PIWIL3: variants seen among roughly 807,000 people sequenced by gnomAD.
PIWIL3 encodes piwi-like protein 3.
A neutral mutation model predicts 109.7 loss-of-function variants in PIWIL3; 101 were observed. The observed-to-expected ratio is 0.92, with a 90% CI of 0.78 to 1.09. The LOEUF is 1.09. Ranked by LOEUF, PIWIL3 falls within the 50% of genes least tolerant of loss-of-function variation. PIWIL3 has a pLI of 0.00. For synonymous variants in PIWIL3, 373 were observed against 376.4 expected (o/e 0.99, Z 0.10); for missense variants, 1,031 against 1,072.6 (o/e 0.96, Z 0.54).
intron 13 of PIWIL3, among the ~76,000 whole-genome samples, chr22:24,734,622 C>T (rs1163471867): frequency 6.6e-6 from 1 of 152,046 alleles, no homozygotes; most frequent in African/African-American, 2.4e-5. Flanking sequence ...TCCAGGTATA[C>T]CCAGTCACAG....
chr22:24,766,795 T>C (rs1344223372), intron 1 of PIWIL3, among the ~76,000 whole-genome samples: 5 of 152,048 alleles, frequency 3.3e-5, no homozygotes, highest in African/African-American at 4.8e-5. Context: ...CATTATCCTA[T>C]AGAAATCTGC....
Position 24,756,589 on chromosome 22 carries a change from G to T in PIWIL3, c.472C>A (p.Leu158Ile), listed in dbSNP as rs765125324. 1.9e-5 allele frequency: 30 copies of T among 1,613,884 alleles called. No individual in the cohort carries two copies. The highest frequency in any genetic ancestry group is 2.3e-5 in the Non-Finnish European group (27 of 1,179,924). Residue 158 changes from leucine (L) to isoleucine (I), a missense_variant, in exon 5 of 21, where the codon CTC (leucine) becomes ATC (isoleucine). Leu to Ile is a conservative substitution (Grantham distance 5). Coordinates refer to ENST00000616349, the MANE Select transcript of PIWIL3 (RefSeq NM_001255975.1). ...DYKPDIEDGNLRTILLDQHRR... is the reference protein window; with the variant it reads ...DYKPDIEDGNIRTILLDQHRR... ...TGTTGATCAAGTAAAATTGTACGGA[G>T]ATTTCCATCTTCTATGTCTGGTTTG... is the stretch of plus-strand genomic sequence containing the variant.
intron 14 of PIWIL3, among the ~76,000 whole-genome samples, chr22:24,728,794 C>T (rs1923152261): frequency 6.6e-6 from 1 of 152,082 alleles, no homozygotes; most frequent in African/African-American, 2.4e-5. Flanking sequence ...TATTCAGGTT[C>T]CAGGAACTTA....
intron 3 of PIWIL3, among the ~76,000 whole-genome samples, chr22:24,759,064 G>C: frequency 6.6e-6 from 1 of 152,086 alleles, no homozygotes; most frequent in Non-Finnish European, 1.5e-5. Flanking sequence ...CAGCTAATTT[G>C]TATATTTTTG....
intron 1 of PIWIL3, among the ~76,000 whole-genome samples, chr22:24,766,060 C>G (rs1925769322): frequency 6.6e-6 from 1 of 151,256 alleles, no homozygotes; most frequent in Non-Finnish European, 1.5e-5. Flanking sequence ...AAAAAGAAAC[C>G]CTCCCACCTC....
intron 12 of PIWIL3, among the ~76,000 whole-genome samples, chr22:24,741,339 CCT>C (rs1440459466): frequency 1.3e-5 from 2 of 152,078 alleles, no homozygotes; most frequent in African/African-American, 4.8e-5. Context: ...ATGGTGAAAC[CCT>C]GTCTCTACTA....
chr22:24,757,079 CAAAAAAAAAAAAAAA>C (rs71189275), intron 4 of PIWIL3, among the ~76,000 whole-genome samples: 3 of 91,738 alleles, frequency 3.3e-5, no homozygotes, highest in African/African-American at 1.4e-4. Flanking sequence ...AACTCCGTCT[CAAAAAAAAAAAAAAA>C]AAAAAAAAGA....
chr22:24,733,192 A>G, intron 14 of PIWIL3, among the ~76,000 whole-genome samples: 1 of 152,210 alleles, frequency 6.6e-6, no homozygotes, highest in East Asian at 1.9e-4. Context: ...ACAATAGGAA[A>G]ACATTCTGGT....
intron 12 of PIWIL3, 30 bp from the exon 13 acceptor site, chr22:24,735,922 A>T (rs1313569304): frequency 6.5e-7 from 1 of 1,528,294 alleles, no homozygotes; most frequent in Non-Finnish European, 8.9e-7. Context: ...CATGGCATAA[A>T]ACTTTATTTT....
rs569543061 is a variant in PIWIL3 at position 24,726,293 on chromosome 22, T to C, written c.2010-778A>G. On this transcript the variant is annotated intron_variant, in intron 16 of 20. Coordinates refer to ENST00000616349, the MANE Select transcript of PIWIL3 (RefSeq NM_001255975.1). ...TTGGCTATTTTCTTTCTTTCTTTTT[T>C]TTTTTTTGAAACGGAGTCTCGCTCT... is the stretch of plus-strand genomic sequence containing the variant. Among the ~76,000 whole-genome samples the C allele has an allele frequency of 9.9e-5, 15 of 152,102 alleles. No homozygotes were observed. In the South Asian group the frequency reaches 3.1e-3, roughly 32 times the overall value.
chr22:24,722,074 C>T (rs57017284), intron 19 of PIWIL3, among the ~76,000 whole-genome samples: 156 of 152,200 alleles, frequency 1.0e-3, no homozygotes, highest in African/African-American at 3.4e-3. Context: ...TTTTTTCACA[C>T]TGCTGTTTTA....
At chr22:24,774,200 T>G (rs530865022) in intron 1 of PIWIL3, 122 bp downstream of exon 1, 2 of 152,342 alleles carry the variant, frequency 1.3e-5, no homozygotes, top group South Asian at 2.1e-4. Context: ...TTTCCTCTCC[T>G]CTTGAAATCC....
Position 24,748,945 on chromosome 22 carries a change from C to G in PIWIL3, c.1411G>C (p.Val471Leu), listed in dbSNP as rs11703684. 6.2e-7 allele frequency: 1 copy of G among 1,611,474 alleles called. No individual in the cohort carries two copies. Among genetic ancestry groups the G allele is most frequent in the Non-Finnish European group, 8.5e-7 (1 of 1,178,472 alleles). The change falls in exon 12 of 21, where the codon GTT becomes CTT. Residue 471 changes from valine (V) to leucine (L), a missense_variant. Transcript: ENST00000616349. ...DTNFLSVPGR[V>L]LKNANIVQGR... ...TGCACGATGTTTGCGTTTTTCAAAACTCTTCCCGGGACGGACAAAAAATTG... is the reference window on the plus strand; with the variant it reads ...TGCACGATGTTTGCGTTTTTCAAAAGTCTTCCCGGGACGGACAAAAAATTG...
Position 24,734,847 on chromosome 22 carries a change from AC to A in PIWIL3, c.1635-692del, listed in dbSNP as rs377023638. Among the ~76,000 whole-genome samples the A allele has an allele frequency of 9.4e-3, 1,412 of 150,140 alleles. 23 individuals carry two copies. The highest frequency in any genetic ancestry group is 0.033 in the African/African-American group (1,353 of 40,724). ...TTTTTTTTTTTTTTTAGAAAAAAAA[AC>A]CAAAAAAAACAACGTTTAGGTTCAG... is the stretch of plus-strand genomic sequence containing the variant. On this transcript the variant is annotated intron_variant, in intron 13 of 20. Coordinates refer to ENST00000616349, the MANE Select transcript of PIWIL3 (RefSeq NM_001255975.1).
intron 9 of PIWIL3, among the ~76,000 whole-genome samples, chr22:24,750,882 G>A (rs930781115): frequency 1.3e-5 from 2 of 151,042 alleles, no homozygotes; most frequent in Non-Finnish European, 3.0e-5. Flanking sequence ...CCAGCACTTC[G>A]GGAGGCCAAG....
intron 3 of PIWIL3, among the ~76,000 whole-genome samples, chr22:24,758,352 G>T (rs1309793765): frequency 6.6e-6 from 1 of 152,108 alleles, no homozygotes; most frequent in Non-Finnish European, 1.5e-5. Context: ...ATCTCCTGGC[G>T]CTATGCTGCC....
chr22:24,752,828 T>C (rs573763757), intron 8 of PIWIL3, among the ~76,000 whole-genome samples: 3 of 152,312 alleles, frequency 2.0e-5, no homozygotes, highest in South Asian at 4.1e-4. Context: ...TCCACATCCT[T>C]GCCAACACTT....
Position 24,757,615 on chromosome 22 carries a change from T to TACACAC in PIWIL3, c.355+287_355+292dup, listed in dbSNP as rs139481317. Reference sequence around the variant, plus strand: ...AGACCGTGTCTCTACAAAATTTACATACACACACACACACACACACACATA... The same window carrying TACACAC: ...AGACCGTGTCTCTACAAAATTTACATACACACACACACACACACACACACACACATA... On this transcript the variant is annotated intron_variant, in intron 4 of 20. Coordinates refer to ENST00000616349, the MANE Select transcript of PIWIL3 (RefSeq NM_001255975.1). Among the ~76,000 whole-genome samples, 252 of 79,174 alleles carry TACACAC rather than the reference T, an allele frequency of 3.2e-3. 4 individuals are homozygous for TACACAC. Among genetic ancestry groups the TACACAC allele is most frequent in the African/African-American group, 0.011 (236 of 20,786 alleles). The allele number at this position is 79,174 out of a possible 152,430, so 51.9% of individuals were successfully genotyped here. A position where few individuals can be genotyped will look rare whatever the true frequency, so the allele number is the denominator to read the frequency against.
At chr22:24,763,958 C>G (rs1316777916) in intron 1 of PIWIL3, among the ~76,000 whole-genome samples, 1 of 152,222 alleles carries the variant, frequency 6.6e-6, no homozygotes, top group African/African-American at 2.4e-5. Context: ...AGCGTCCCGG[C>G]GCTGATCTCC....
Sources: gnomAD v4.1 joint callset for allele counts (sites outside exome capture counted in the v4.1 genomes callset) on GRCh38, gnomAD v4.1.1 for gene constraint, MANE v1.5 for transcripts, NCBI Gene and HGNC (gene_info 2026-07-23, HGNC 2026-07-21) for gene names.